Variants in PPP1R1C observed in about 807,000 individuals in gnomAD.
PPP1R1C encodes protein phosphatase 1 regulatory inhibitor subunit 1C, also known as protein phosphatase 1 regulatory subunit 1C.
A neutral mutation model predicts 17.4 loss-of-function variants in PPP1R1C; 15 were observed. The ratio of observed to expected loss-of-function variants is 0.86; its 90% CI spans 0.58 to 1.33. The LOEUF (loss-of-function observed/expected upper bound fraction) is 1.33, where lower values mean the gene tolerates loss of function less well. Among genes scored for constraint, PPP1R1C ranks in the 40% most tolerant of loss-of-function variants. PPP1R1C has a pLI of 0.00. For missense variants in PPP1R1C, 143 were observed against 130.0 expected (o/e 1.10, Z -0.48); for synonymous variants, 35 against 43.1 (o/e 0.81, Z 0.73).
intron 2 of PPP1R1C, among the ~76,000 whole-genome samples, chr2:182,033,458 A>T (rs1243094828): frequency 6.6e-6 from 1 of 152,172 alleles, no homozygotes; most frequent in Non-Finnish European, 1.5e-5. Context: ...ACATGTCTAA[A>T]AGTGAATTTA....
intron 4 of PPP1R1C, among the ~76,000 whole-genome samples, chr2:182,091,918 C>T (rs1253079767): frequency 1.3e-5 from 2 of 152,014 alleles, no homozygotes; most frequent in African/African-American, 4.8e-5. Context: ...AGATCTTTGT[C>T]TTTTGTTCTT....
chr2:181,998,762 A>G (rs1048770498), intron 2 of PPP1R1C, among the ~76,000 whole-genome samples: 13 of 152,262 alleles, frequency 8.5e-5, no homozygotes, highest in African/African-American at 3.1e-4. Flanking sequence ...CCGATCAACT[A>G]GGAACAGGCT....
intron 2 of PPP1R1C, among the ~76,000 whole-genome samples, chr2:182,007,990 C>A (rs541170143): frequency 4.6e-5 from 7 of 151,990 alleles, no homozygotes; most frequent in Non-Finnish European, 8.8e-5. Flanking sequence ...ATGGCGTGAA[C>A]CTAGGAGGTG....
chr2:182,108,190 C>A (rs746554094), intron 4 of PPP1R1C, among the ~76,000 whole-genome samples: 2 of 151,982 alleles, frequency 1.3e-5, no homozygotes, highest in Non-Finnish European at 2.9e-5. Context: ...TGAATATGTG[C>A]AGTTTACTGT....
chr2:182,043,340 A>G (rs150082478), intron 2 of PPP1R1C, among the ~76,000 whole-genome samples: 182 of 152,350 alleles, frequency 1.2e-3, no homozygotes, highest in Middle Eastern at 3.4e-3. Flanking sequence ...AAGGTCTGAA[A>G]TATGGTTATT....
intron 2 of PPP1R1C, among the ~76,000 whole-genome samples, chr2:182,041,754 T>C (rs1309749912): frequency 6.6e-6 from 1 of 151,998 alleles, no homozygotes; most frequent in Non-Finnish European, 1.5e-5. Context: ...AGGGGTCATA[T>C]AACATACGTC....
At chr2:182,116,541 C>CG (rs954670457) in intron 4 of PPP1R1C, among the ~76,000 whole-genome samples, 3 of 151,910 alleles carry the variant, frequency 2.0e-5, no homozygotes, top group Non-Finnish European at 4.4e-5. Flanking sequence ...TGGAGTAGCC[C>CG]GGGGGAAAAG....
intron 4 of PPP1R1C, among the ~76,000 whole-genome samples, chr2:182,109,969 T>C (rs549947521): frequency 5.3e-5 from 8 of 152,298 alleles, no homozygotes; most frequent in African/African-American, 1.9e-4. Flanking sequence ...TAATTCAAAA[T>C]AAGAAATGTC....
In PPP1R1C at chr2:181,961,958, A is replaced by T. The variant is rs1163623388; in HGVS notation, n.111+7324A>T. The T allele has an allele frequency of 4.1e-6, 3 of 736,748 alleles. No homozygotes were observed. Among genetic ancestry groups the T allele is most frequent in the Non-Finnish European group, 7.5e-6 (3 of 399,674 alleles). The allele number at this position is 736,748 out of a possible 1,614,324, so 45.6% of individuals were successfully genotyped here. On this transcript the variant is annotated intron_variant and non_coding_transcript_variant, in intron 1 of 5. Transcript: ENST00000464264. This position sits in a 1 kb window ranked among gnomAD's most constrained non-coding sequence, Gnocchi z 5.8. ...GATGTCACTCCCCACAGACGGGTGC[A>T]TGGCCAGCTCTGTCTCATACTTGAC... is the stretch of plus-strand genomic sequence containing the variant.
At chr2:182,031,668 A>G (rs1427802871) in intron 2 of PPP1R1C, among the ~76,000 whole-genome samples, 1 of 152,178 alleles carries the variant, frequency 6.6e-6, no homozygotes, top group Non-Finnish European at 1.5e-5. Flanking sequence ...TTTTAGTCCC[A>G]TTGCAATATG....
intron 3 of PPP1R1C, among the ~76,000 whole-genome samples, chr2:182,062,327 T>G (rs1687874693): frequency 6.6e-6 from 1 of 152,102 alleles, no homozygotes; most frequent in Admixed American, 6.6e-5. Flanking sequence ...TATTAGTAAG[T>G]TTACACTGTG....
At position 181,962,336 on chromosome 2, in the gene PPP1R1C, A is replaced by G; in HGVS notation, n.111+7702A>G. 1 of 913,204 alleles carries G rather than the reference A, an allele frequency of 1.1e-6. No individual in the cohort carries two copies. The highest frequency in any genetic ancestry group is 1.7e-6 in the Non-Finnish European group (1 of 576,056). 56.6% of individuals were successfully genotyped at this position (913,204 alleles called of 1,614,324 possible). A position where few individuals can be genotyped will look rare whatever the true frequency, so the allele number is the denominator to read the frequency against. ...ACCCCGGAAGCTGGTGGAGCGGGAC[A>G]CGGATATCCGGGAACCAGAGCCCCC... On this transcript the variant is annotated intron_variant and non_coding_transcript_variant, in intron 1 of 5. Coordinates refer to the PPP1R1C transcript ENST00000464264. This position sits in a 1 kb window ranked among gnomAD's most constrained non-coding sequence, Gnocchi z 6.0.
intron 2 of PPP1R1C, among the ~76,000 whole-genome samples, chr2:182,053,287 T>G (rs1192978056): frequency 6.6e-6 from 1 of 152,238 alleles, no homozygotes; most frequent in East Asian, 1.9e-4. Context: ...AATGTACAAA[T>G]ATTTGTTTTA....
intron 2 of PPP1R1C, among the ~76,000 whole-genome samples, chr2:182,026,527 C>T (rs1264327713): frequency 2.7e-5 from 4 of 147,406 alleles, no homozygotes; most frequent in African/African-American, 7.5e-5. Flanking sequence ...TGTAGATATG[C>T]GGCGTTATTT....
At chr2:182,057,994 G>A (rs144718515) in intron 2 of PPP1R1C, among the ~76,000 whole-genome samples, 2,665 of 152,082 alleles carry the variant, frequency 0.018, 68 homozygotes, top group African/African-American at 0.061. Context: ...TGAGTCCCAT[G>A]GAGCACCTTC....
intron 2 of PPP1R1C, among the ~76,000 whole-genome samples, chr2:181,977,852 C>T (rs2125135894): frequency 6.6e-6 from 1 of 152,314 alleles, no homozygotes; most frequent in South Asian, 2.1e-4. Flanking sequence ...GGCTTCTTCA[C>T]TCACATGTCT....
At chr2:181,973,298 G>A (rs558536930) in intron 1 of PPP1R1C, among the ~76,000 whole-genome samples, 18 of 152,130 alleles carry the variant, frequency 1.2e-4, no homozygotes, top group Middle Eastern at 3.4e-3. Context: ...TTAATGCTCC[G>A]TTATTTGTAG....
At chr2:182,034,005 G>A (rs1686925445) in intron 2 of PPP1R1C, among the ~76,000 whole-genome samples, 2 of 152,252 alleles carry the variant, frequency 1.3e-5, no homozygotes, top group South Asian at 4.1e-4. Flanking sequence ...AATCAAGAAG[G>A]CTTTTTAACT....
chr2:182,072,985 T>G (rs1248810111), intron 4 of PPP1R1C, among the ~76,000 whole-genome samples: 1 of 152,194 alleles, frequency 6.6e-6, no homozygotes, highest in African/African-American at 2.4e-5. Flanking sequence ...TGACCTTGCC[T>G]CTTCACTCCT....
Sources: allele counts gnomAD v4.1 joint callset (sites outside exome capture counted in the v4.1 genomes callset), GRCh38; gene constraint gnomAD v4.1.1; non-coding constraint Gnocchi (gnomAD v3.1); transcripts MANE v1.5; gene names NCBI Gene and HGNC (gene_info 2026-07-23, HGNC 2026-07-21).